MAN1A2: variants seen among roughly 807,000 people sequenced by gnomAD.
MAN1A2 encodes mannosidase alpha class 1A member 2.
A neutral mutation model predicts 75.7 loss-of-function variants in MAN1A2; 26 were observed. The observed-to-expected ratio is 0.34, with a 90% CI of 0.25 to 0.48. The LOEUF is 0.48. MAN1A2 is among the 20% of genes least tolerant of loss of function. MAN1A2 has a pLI of 0.99. For synonymous variants in MAN1A2, 247 were observed against 264.6 expected (o/e 0.93, Z 0.65); for missense variants, 562 against 775.5 (o/e 0.72, Z 3.27).
At chr1:117,405,977 T>C (rs772619863) in intron 3 of MAN1A2, among the ~76,000 whole-genome samples, 1 of 152,164 alleles carries the variant, frequency 6.6e-6, no homozygotes, top group Non-Finnish European at 1.5e-5. Flanking sequence ...TATTCTGATA[T>C]TCACATTACA....
chr1:117,483,268 C>A (rs945010956), intron 8 of MAN1A2, among the ~76,000 whole-genome samples: 4 of 152,016 alleles, frequency 2.6e-5, no homozygotes, highest in African/African-American at 9.7e-5. Flanking sequence ...TTTTCCATTT[C>A]TGTGAAGAAA....
chr1:117,522,551 G>A (rs540549647), intron 12 of MAN1A2, among the ~76,000 whole-genome samples: 74 of 151,910 alleles, frequency 4.9e-4, no homozygotes, highest in African/African-American at 1.7e-3. Flanking sequence ...AGACAAAGGT[G>A]TCTGCTCTCT....
chr1:117,460,888 A>G (rs1463763087), intron 7 of MAN1A2, among the ~76,000 whole-genome samples: 1 of 152,198 alleles, frequency 6.6e-6, no homozygotes, highest in Non-Finnish European at 1.5e-5. Context: ...GTACCTACCC[A>G]GCCTGGTAAG....
chr1:117,386,722 TCATCCCTGTCTCTAG>T (rs1203421533), intron 1 of MAN1A2, among the ~76,000 whole-genome samples: 1 of 46,546 alleles, frequency 2.1e-5, no homozygotes, highest in Non-Finnish European at 4.3e-5. Flanking sequence ...GCTCAGTGGC[TCATCCCTGTCTCTAG>T]AGTCCCTGTT....
At chr1:117,408,356 A>G (rs1647685321) in intron 3 of MAN1A2, among the ~76,000 whole-genome samples, 2 of 151,540 alleles carry the variant, frequency 1.3e-5, no homozygotes, top group Admixed American at 1.3e-4. Context: ...GATATTCTGG[A>G]AAGTAGAAAG....
In MAN1A2 at chr1:117,402,453, A is replaced by G. The variant is rs767800458; in HGVS notation, c.558+12A>G. On this transcript the variant is annotated intron_variant, in intron 2 of 12. Transcript: ENST00000356554. ...AAAAAATTAAAGAGGTAATAAGCTG[A>G]GTTTTGTGATATGGAGTGTTTATGG... The G allele has an allele frequency of 2.5e-6, 4 of 1,581,514 alleles. No homozygotes were observed. The highest frequency in any genetic ancestry group is 3.4e-6 in the Non-Finnish European group (4 of 1,168,800).
chr1:117,470,008 C>T (rs1047177459), intron 8 of MAN1A2, among the ~76,000 whole-genome samples: 2 of 152,090 alleles, frequency 1.3e-5, no homozygotes, highest in Non-Finnish European at 2.9e-5. Flanking sequence ...CAAACAGATA[C>T]TTGTAGCCTA....
intron 12 of MAN1A2, chr1:117,516,089 G>A (rs1027198164): frequency 2.0e-5 from 3 of 151,932 alleles, no homozygotes; most frequent in Non-Finnish European, 4.4e-5. Context: ...CTATCCCACT[G>A]CTTCCCTCCA....
chr1:117,496,809 T>A lies in MAN1A2; in HGVS notation c.1331T>A (p.Phe444Tyr). The A allele has an allele frequency of 6.2e-7, 1 of 1,612,636 alleles. No individual in the cohort carries two copies. The highest frequency in any genetic ancestry group is 8.5e-7 in the Non-Finnish European group (1 of 1,179,124). Residue 444 changes from phenylalanine (F) to tyrosine (Y), a missense_variant, in exon 10 of 13, where the codon TTT becomes TAT. Coordinates refer to ENST00000356554, the MANE Select transcript of MAN1A2 (RefSeq NM_006699.5). ...AAGAAGTCTCGTGGAGGTCTTACCT[T>A]TATTGGAGAATGGAAGAATGGGCAC... ...LIKKSRGGLT[F>Y]IGEWKNGHLE...
At chr1:117,383,385 C>T (rs1653418039) in intron 1 of MAN1A2, among the ~76,000 whole-genome samples, 1 of 152,082 alleles carries the variant, frequency 6.6e-6, no homozygotes, top group Non-Finnish European at 1.5e-5. Flanking sequence ...AGGATTTTTG[C>T]ATCACTATTT....
intron 4 of MAN1A2, among the ~76,000 whole-genome samples, chr1:117,418,356 T>C (rs1330560063): frequency 6.6e-6 from 1 of 152,100 alleles, no homozygotes; most frequent in Non-Finnish European, 1.5e-5. Context: ...GGGGTACTGC[T>C]ATTAGTATTT....
At chr1:117,406,404 A>G (rs1335196104) in intron 3 of MAN1A2, among the ~76,000 whole-genome samples, 1 of 152,184 alleles carries the variant, frequency 6.6e-6, no homozygotes, top group African/African-American at 2.4e-5. Context: ...AAAAGTCACA[A>G]ACTAGTTATA....
At chr1:117,378,365 A>G (rs1653223908) in intron 1 of MAN1A2, among the ~76,000 whole-genome samples, 1 of 152,112 alleles carries the variant, frequency 6.6e-6, no homozygotes, top group Non-Finnish European at 1.5e-5. Flanking sequence ...TTTAAACATT[A>G]TTTATCATTC....
intron 6 of MAN1A2, among the ~76,000 whole-genome samples, chr1:117,453,273 A>T (rs978360509): frequency 3.9e-5 from 6 of 152,206 alleles, no homozygotes; most frequent in Non-Finnish European, 7.3e-5. Context: ...TTATTTAAAG[A>T]ATGAATTTTG....
rs148385140 is a variant in MAN1A2, at chr1:117,379,132, G to C, written c.302+10647G>C. ...TGTAAAGTTTTGTTTTTCACACCTA[G>C]GGATTTAATCTACTTGTTGATTTTT... is the stretch of plus-strand genomic sequence containing the variant. On this transcript the variant is annotated intron_variant, in intron 1 of 12. Coordinates refer to ENST00000356554, the MANE Select transcript of MAN1A2 (RefSeq NM_006699.5). Among the ~76,000 whole-genome samples the C allele has an allele frequency of 6.5e-3, 990 of 152,036 alleles. 6 individuals are homozygous for C. The highest frequency in any genetic ancestry group is 0.023 in the African/African-American group (934 of 41,500).
rs909545583 is a variant in MAN1A2 at position 117,526,162 on chromosome 1, C to T, written c.*3205C>T. 1 of 151,754 alleles carries T rather than the reference C, an allele frequency of 6.6e-6. No homozygotes were observed. Among genetic ancestry groups the T allele is most frequent in the African/African-American group, 2.4e-5 (1 of 41,380 alleles). The allele number at this position is 151,754 out of a possible 1,614,324, so 9.4% of individuals were successfully genotyped here. A position where few individuals can be genotyped will look rare whatever the true frequency, so the allele number is the denominator to read the frequency against. The stretch of plus-strand genomic sequence containing the variant: ...CATTCTCATTTATAATGCAGTTTCT[C>T]CTTAAGCCTGGAGTTTTTTGAATGA... On this transcript the variant is annotated 3_prime_UTR_variant, in exon 13 of 13. Coordinates refer to ENST00000356554, the MANE Select transcript of MAN1A2 (RefSeq NM_006699.5).
At chr1:117,467,502 T>C (rs932286904) in intron 8 of MAN1A2, among the ~76,000 whole-genome samples, 3 of 152,160 alleles carry the variant, frequency 2.0e-5, no homozygotes, top group Admixed American at 2.0e-4. Context: ...GATCTGGGAA[T>C]AGATCTCAAT....
At chr1:117,453,626 G>C (rs1438381024) in intron 6 of MAN1A2, among the ~76,000 whole-genome samples, 1 of 152,208 alleles carries the variant, frequency 6.6e-6, no homozygotes, top group Non-Finnish European at 1.5e-5. Context: ...AGCAGAGAAA[G>C]TGGTTTCTTG....
chr1:117,438,873 T>G (rs938952181), intron 5 of MAN1A2, among the ~76,000 whole-genome samples: 1 of 152,140 alleles, frequency 6.6e-6, no homozygotes, highest in Non-Finnish European at 1.5e-5. Context: ...AATGATGCAT[T>G]TCTTAGCACT....
Sources: allele counts gnomAD v4.1 joint callset (sites outside exome capture counted in the v4.1 genomes callset), GRCh38; gene constraint gnomAD v4.1.1; transcripts MANE v1.5; gene names NCBI Gene and HGNC (gene_info 2026-07-23, HGNC 2026-07-21).